CA10: variants seen among roughly 807,000 people sequenced by gnomAD.
CA10 encodes the protein carbonic anhydrase-related protein 10.
CA10 carries 14 observed loss-of-function variants against 44.2 expected under a neutral mutation model. The ratio of observed to expected loss-of-function variants is 0.32; its 90% CI spans 0.21 to 0.50. The LOEUF (loss-of-function observed/expected upper bound fraction) is 0.50. Ranked by LOEUF, CA10 falls within the 20% of genes least tolerant of loss-of-function variation. The pLI, the probability that CA10 is intolerant of heterozygous loss-of-function variation, is 0.99. For synonymous variants in CA10, 159 were observed against 141.6 expected, an observed-to-expected ratio of 1.12 and a Z score of -0.87; for missense variants, 350 against 409.7, an observed-to-expected ratio of 0.85 and a Z score of 1.26.
At chr17:51,753,949 T>G (rs1407187072) in intron 3 of CA10, among the ~76,000 whole-genome samples, 1 of 152,136 alleles carries the variant, frequency 6.6e-6, no homozygotes, top group Admixed American at 6.5e-5. Context: ...GTTCAAGTGA[T>G]TCTCCCTCCA....
intron 2 of CA10, among the ~76,000 whole-genome samples, chr17:51,956,741 G>A (rs1305680723): frequency 6.6e-6 from 1 of 152,064 alleles, no homozygotes; most frequent in Non-Finnish European, 1.5e-5. Context: ...AGTGGTGAGA[G>A]GCTTCCTGTT....
intron 3 of CA10, among the ~76,000 whole-genome samples, chr17:51,914,232 G>A (rs1340154304): frequency 1.4e-5 from 2 of 143,992 alleles, no homozygotes; most frequent in Non-Finnish European, 3.1e-5. Context: ...GTAAGAGACA[G>A]AGCCAGGAAG....
intron 3 of CA10, among the ~76,000 whole-genome samples, chr17:51,773,674 A>G (rs1905698419): frequency 5.3e-5 from 8 of 152,264 alleles, no homozygotes; most frequent in Admixed American, 5.2e-4. Flanking sequence ...TCAGGGTGCC[A>G]TGTCATGTGC....
chr17:52,057,702 AG>A (rs1200654225), intron 2 of CA10, among the ~76,000 whole-genome samples: 7 of 152,092 alleles, frequency 4.6e-5, no homozygotes, highest in African/African-American at 1.7e-4. Flanking sequence ...GACCCACAAA[AG>A]GTTTTTCGAA....
chr17:51,754,145 C>T (rs1239276400), intron 3 of CA10, among the ~76,000 whole-genome samples: 1 of 151,922 alleles, frequency 6.6e-6, no homozygotes, highest in Non-Finnish European at 1.5e-5. Context: ...CTCCCAGCCA[C>T]AGCTGGTTAT....
chr17:51,846,050 C>G (rs1297965131), intron 3 of CA10, among the ~76,000 whole-genome samples: 2 of 152,214 alleles, frequency 1.3e-5, no homozygotes, highest in Non-Finnish European at 2.9e-5. Context: ...GCTGCTTTAA[C>G]AATTTTTCCA....
At chr17:52,081,190 TG>T (rs1272514052) in intron 1 of CA10, among the ~76,000 whole-genome samples, 1 of 152,154 alleles carries the variant, frequency 6.6e-6, no homozygotes, top group East Asian at 1.9e-4. Context: ...GGTAGTAAAG[TG>T]ACTAGAAGAA....
chr17:51,805,692 T>G (rs1238519069), intron 3 of CA10, among the ~76,000 whole-genome samples: 1 of 152,244 alleles, frequency 6.6e-6, no homozygotes, highest in Non-Finnish European at 1.5e-5. Context: ...TGCAGAATTG[T>G]GCAACCATCT....
chr17:52,000,600 G>A lies in CA10; in HGVS notation c.137-69468C>T, dbSNP rs567089028. On this transcript the variant is annotated intron_variant, in intron 2 of 8. Transcript: ENST00000451037. ...CCACTTAAGAGGAAATAAGCACAGA[G>A]TATAAAAATGGCTTGCTTGAAGGTC... 8.5e-5 allele frequency among the ~76,000 whole-genome samples: 13 copies of A among 152,170 alleles called. No individual in the cohort carries two copies. In the South Asian group the frequency reaches 2.3e-3, roughly 27 times the overall value.
chr17:52,030,743 TC>T (rs1241388474), intron 2 of CA10, among the ~76,000 whole-genome samples: 2 of 152,266 alleles, frequency 1.3e-5, no homozygotes, highest in Admixed American at 6.5e-5. Context: ...AATGTGTCAA[TC>T]TATCTGCTGA....
intron 4 of CA10, among the ~76,000 whole-genome samples, chr17:51,742,387 C>G (rs1460079606): frequency 6.6e-6 from 1 of 152,196 alleles, no homozygotes; most frequent in Non-Finnish European, 1.5e-5. Context: ...CTGAGCACTC[C>G]TCACAAGCCA....
chr17:51,752,050 C>T (rs571696770), intron 3 of CA10, among the ~76,000 whole-genome samples: 189 of 152,196 alleles, frequency 1.2e-3, no homozygotes, highest in African/African-American at 4.2e-3. Flanking sequence ...TAACTGCTAT[C>T]ATTTTCCTAT....
At chr17:52,056,533 T>C (rs1434527191) in intron 2 of CA10, among the ~76,000 whole-genome samples, 1 of 152,234 alleles carries the variant, frequency 6.6e-6, no homozygotes, top group East Asian at 1.9e-4. Flanking sequence ...ATAAAAGCCT[T>C]TGCTATATAG....
intron 3 of CA10, among the ~76,000 whole-genome samples, chr17:51,765,878 T>C (rs1314780734): frequency 1.3e-5 from 2 of 152,020 alleles, no homozygotes; most frequent in Non-Finnish European, 2.9e-5. Flanking sequence ...GGGTAAGTAG[T>C]CTGAGAGCCA....
intron 3 of CA10, among the ~76,000 whole-genome samples, chr17:51,905,905 C>T (rs1981529234): frequency 6.6e-6 from 1 of 152,106 alleles, no homozygotes; most frequent in Non-Finnish European, 1.5e-5. Flanking sequence ...ACCAAACCTA[C>T]TTCCCCAGCT....
intron 1 of CA10, among the ~76,000 whole-genome samples, chr17:52,154,491 C>T (rs899647075): frequency 2.0e-5 from 3 of 152,162 alleles, no homozygotes; most frequent in African/African-American, 7.2e-5. Context: ...AGGCAGCTCT[C>T]GTTTGACCAA....
intron 3 of CA10, among the ~76,000 whole-genome samples, chr17:51,836,831 T>C (rs202135): frequency 0.73 from 111,333 of 151,942 alleles, 41,060 homozygotes; most frequent in Middle Eastern, 0.8. Context: ...GTGGGTACAG[T>C]AAATACTCCC....
chr17:51,942,833 C>A (rs569135252), intron 2 of CA10, among the ~76,000 whole-genome samples: 46 of 152,198 alleles, frequency 3.0e-4, no homozygotes, highest in African/African-American at 1.1e-3. Flanking sequence ...TGTTCCCTTG[C>A]AGCCCTGGAG....
chr17:51,798,274 C>G, intron 3 of CA10, among the ~76,000 whole-genome samples: 1 of 152,200 alleles, frequency 6.6e-6, no homozygotes, highest in East Asian at 1.9e-4. Context: ...TAGGTGGGCA[C>G]CTCAAGGCGC....
Sources: allele counts gnomAD v4.1 joint callset (sites outside exome capture counted in the v4.1 genomes callset), GRCh38; gene constraint gnomAD v4.1.1; transcripts MANE v1.5; gene names NCBI Gene and HGNC (gene_info 2026-07-23, HGNC 2026-07-21).